Variants in THAP4 observed in about 807,000 individuals in gnomAD.
THAP4 encodes THAP domain containing 4.
THAP4 carries 18 observed loss-of-function variants against 48.1 expected under a neutral mutation model. That is an observed-to-expected ratio of 0.37 (90% CI 0.26 to 0.56). The LOEUF (loss-of-function observed/expected upper bound fraction) is 0.56. Among genes scored for constraint, THAP4 ranks in the 20% least tolerant of loss-of-function variants. The pLI is 0.78. For missense variants in THAP4, 656 were observed against 774.9 expected (o/e 0.85, Z 1.82); for synonymous variants, 345 against 324.9 (o/e 1.06, Z -0.66).
chr2:241,606,516 C>T, intron 2 of THAP4, 43 bp from the exon 3 acceptor site: 1 of 1,537,392 alleles, frequency 6.5e-7, no homozygotes, highest in South Asian at 1.2e-5. Context: ...TCCCTCCAAC[C>T]ATGCCTTGCT....
chr2:241,585,263 T>C (rs1431942873), intron 5 of THAP4, among the ~76,000 whole-genome samples: 1 of 152,200 alleles, frequency 6.6e-6, no homozygotes, highest in Non-Finnish European at 1.5e-5. Flanking sequence ...AATCCAAGCC[T>C]ATGGCAGCTA....
In THAP4 at chr2:241,584,536, T is replaced by C; in HGVS notation, c.*70A>G. 1 of 1,573,698 alleles carries C rather than the reference T, an allele frequency of 6.4e-7. No individual in the cohort carries two copies. Among genetic ancestry groups the C allele is most frequent in the South Asian group, 1.1e-5 (1 of 89,662 alleles). ...CCACACCCACTTCTGCCGCAGGGAC[T>C]GTCTGTTGAGGAGCCGAACCGTTGA... On this transcript the variant is annotated 3_prime_UTR_variant, in exon 6 of 6. Transcript: ENST00000407315.
At chr2:241,614,414 C>T (rs1256186762) in intron 2 of THAP4, among the ~76,000 whole-genome samples, 1 of 152,162 alleles carries the variant, frequency 6.6e-6, no homozygotes, top group Non-Finnish European at 1.5e-5. Context: ...ATGCACCAAG[C>T]ACAGCAACAT....
At chr2:241,618,807 T>C (rs1277026896) in intron 2 of THAP4, among the ~76,000 whole-genome samples, 1 of 151,340 alleles carries the variant, frequency 6.6e-6, no homozygotes, top group East Asian at 1.9e-4. Context: ...CCCATCAGGT[T>C]CTCCCCACGA....
chr2:241,614,951 G>A (rs965222313), intron 2 of THAP4, among the ~76,000 whole-genome samples: 1 of 152,100 alleles, frequency 6.6e-6, no homozygotes, highest in Non-Finnish European at 1.5e-5. Context: ...AAGTTCCTCT[G>A]GAACAGTCAT....
chr2:241,625,819 A>G (rs865894532), intron 2 of THAP4, among the ~76,000 whole-genome samples: 19 of 140,768 alleles, frequency 1.3e-4, no homozygotes, highest in East Asian at 1.3e-3. Flanking sequence ...AAAAAAAAAA[A>G]AAAAAGAAAA....
At position 241,601,580 on chromosome 2, in the gene THAP4, CAGCA is replaced by C. The variant is rs2067113504; in HGVS notation, c.1614+312_1614+315del. 6.6e-6 allele frequency among the ~76,000 whole-genome samples: 1 copy of C among 152,070 alleles called. No homozygotes were observed. The highest frequency in any genetic ancestry group is 2.4e-5 in the African/African-American group (1 of 41,400). ...TTTAAAATGTACCTGTCCTTTGATC[CAGCA>C]ATTTAACTGGGAAAAATTTATCAAT... On this transcript the variant is annotated intron_variant, in intron 5 of 5. Transcript: ENST00000407315. This position sits in a 1 kb window ranked among gnomAD's most constrained non-coding sequence, Gnocchi z 4.0.
At position 241,584,462 on chromosome 2, in the gene THAP4, C is replaced by T. The variant is rs1369294546; in HGVS notation, c.*144G>A. The T allele has an allele frequency of 1.1e-5, 9 of 827,890 alleles. No individual in the cohort carries two copies. The highest frequency in any genetic ancestry group is 9.7e-5 in the Admixed American group (4 of 41,420). The allele number at this position is 827,890 out of a possible 1,614,324, so 51.3% of individuals were successfully genotyped here. On this transcript the variant is annotated 3_prime_UTR_variant, in exon 6 of 6. Transcript: ENST00000407315. ...GGCCTTTTATTTGGTTTTTCTATGCCAGTACAGAAACATCTGGACAACACT... is the reference window on the plus strand; with the variant it reads ...GGCCTTTTATTTGGTTTTTCTATGCTAGTACAGAAACATCTGGACAACACT...
chr2:241,626,556 TC>T (rs913895632), intron 2 of THAP4, among the ~76,000 whole-genome samples: 50 of 152,030 alleles, frequency 3.3e-4, no homozygotes, highest in African/African-American at 1.2e-3. Context: ...TTCTGCTATT[TC>T]TTAACAGTTT....
chr2:241,620,228 G>C (rs1327336772), intron 2 of THAP4, among the ~76,000 whole-genome samples: 3 of 84,608 alleles, frequency 3.5e-5, no homozygotes, highest in Middle Eastern at 9.1e-3. Context: ...GAGTCGGTGA[G>C]TGAGGGGTGA....
intron 2 of THAP4, 23 bp downstream of exon 2, chr2:241,632,894 G>T: frequency 6.5e-7 from 1 of 1,542,442 alleles, no homozygotes; most frequent in Non-Finnish European, 8.8e-7. Context: ...GGGAACATGG[G>T]TACGCGAGGC....
intron 2 of THAP4, among the ~76,000 whole-genome samples, chr2:241,621,888 A>G (rs2067432713): frequency 1.3e-5 from 2 of 151,916 alleles, no homozygotes; most frequent in South Asian, 4.2e-4. Context: ...AAATCCTTAC[A>G]TGTAGAGCAG....
intron 2 of THAP4, among the ~76,000 whole-genome samples, chr2:241,607,888 C>T: frequency 8.3e-6 from 1 of 119,780 alleles, no homozygotes; most frequent in Non-Finnish European, 1.7e-5. Context: ...CAGGCCCGCG[C>T]AAGCAGAAGA....
intron 4 of THAP4, among the ~76,000 whole-genome samples, chr2:241,602,682 CT>C (rs1361676167): frequency 3.3e-5 from 5 of 152,204 alleles, no homozygotes; most frequent in African/African-American, 1.2e-4. Context: ...CCAGCAATTC[CT>C]AATGAATGCA....
At chr2:241,609,132 G>A (rs573001490) in intron 2 of THAP4, among the ~76,000 whole-genome samples, 4 of 152,384 alleles carry the variant, frequency 2.6e-5, no homozygotes, top group Admixed American at 2.6e-4. Context: ...AAACCCTTGT[G>A]GCAGAGGAGG....
intron 2 of THAP4, chr2:241,617,283 G>A: frequency 1.4e-6 from 1 of 695,912 alleles, no homozygotes. Flanking sequence ...GGCTTTTCTA[G>A]GCATTTCTTT....
At chr2:241,634,357 T>A (rs1024259114) in intron 1 of THAP4, among the ~76,000 whole-genome samples, 1 of 152,142 alleles carries the variant, frequency 6.6e-6, no homozygotes, top group Non-Finnish European at 1.5e-5. Flanking sequence ...CTGTGGTAAA[T>A]GCCCAATGGG....
intron 5 of THAP4, among the ~76,000 whole-genome samples, chr2:241,593,337 C>G (rs112388120): frequency 0.011 from 1,699 of 152,336 alleles, 31 homozygotes; most frequent in African/African-American, 0.039. Flanking sequence ...CGGCACAGAG[C>G]TCTGAGGTGA....
chr2:241,601,713 G>T lies in THAP4; in HGVS notation c.1614+183C>A. On this transcript the variant is annotated intron_variant, in intron 5 of 5. Coordinates refer to ENST00000407315, the MANE Select transcript of THAP4 (RefSeq NM_015963.6). This position sits in a 1 kb window ranked among gnomAD's most constrained non-coding sequence, Gnocchi z 4.0. ...CACACCACTGACCAGCCGAGGAGGG[G>T]GCAATGAATTTAGGGAACATCCACC... 1.8e-6 allele frequency: 2 copies of T among 1,118,706 alleles called. No homozygotes were observed. The highest frequency in any genetic ancestry group is 1.6e-5 in the South Asian group (1 of 63,576). 69.3% of individuals were successfully genotyped at this position (1,118,706 alleles called of 1,614,324 possible).
Sources: allele counts gnomAD v4.1 joint callset (sites outside exome capture counted in the v4.1 genomes callset), GRCh38; gene constraint gnomAD v4.1.1; non-coding constraint Gnocchi (gnomAD v3.1); transcripts MANE v1.5; gene names NCBI Gene and HGNC (gene_info 2026-07-23, HGNC 2026-07-21).